Variants in GRIK1 observed in about 807,000 individuals in gnomAD.
GRIK1 encodes the protein glutamate receptor ionotropic, kainate 1.
In GRIK1, 69 loss-of-function variants were observed where a neutral mutation model predicts 105.7. The ratio of observed to expected loss-of-function variants is 0.65; its 90% CI spans 0.54 to 0.80. The LOEUF (loss-of-function observed/expected upper bound fraction) is 0.80. GRIK1 is among the 30% of genes least tolerant of loss of function. The probability of loss-of-function intolerance (pLI) is 0.00; values close to 1 mark genes in which losing one functional copy is unlikely to be tolerated. For missense variants in GRIK1, 1,109 were observed against 1,167.3 expected (o/e 0.95, Z 0.73); for synonymous variants, 438 against 431.3 (o/e 1.02, Z -0.19).
intron 3 of GRIK1, among the ~76,000 whole-genome samples, chr21:29,687,673 A>G (rs563532189): frequency 6.6e-6 from 1 of 152,360 alleles, no homozygotes; most frequent in African/African-American, 2.4e-5. Flanking sequence ...AAGATGATGG[A>G]AATGATAGTT....
intron 1 of GRIK1, among the ~76,000 whole-genome samples, chr21:29,763,123 G>A (rs2065569978): frequency 6.6e-6 from 1 of 152,186 alleles, no homozygotes; most frequent in Non-Finnish European, 1.5e-5. Context: ...TGTGTTGAGG[G>A]AGGGATCTGG....
chr21:29,559,997 C>T, intron 15 of GRIK1, among the ~76,000 whole-genome samples: 1 of 152,272 alleles, frequency 6.6e-6, no homozygotes, highest in South Asian at 2.1e-4. Context: ...CTTATGGTAT[C>T]TGCTTGGCCT....
At chr21:29,718,099 G>A (rs2064223566) in intron 1 of GRIK1, among the ~76,000 whole-genome samples, 1 of 152,126 alleles carries the variant, frequency 6.6e-6, no homozygotes, top group Non-Finnish European at 1.5e-5. Context: ...CACCATAATT[G>A]TAAGTTTCCT....
chr21:29,936,392 CTAACCATTAGTTAT>C (rs2071757168), intron 1 of GRIK1, among the ~76,000 whole-genome samples: 1 of 152,150 alleles, frequency 6.6e-6, no homozygotes, highest in Non-Finnish European at 1.5e-5. Context: ...AGATCCTGTT[CTAACCATTAGTTAT>C]AAGTCAGCCA....
chr21:29,620,812 T>TAGATAGATAGATAGATAG (rs1277538736), intron 7 of GRIK1, among the ~76,000 whole-genome samples: 3 of 117,486 alleles, frequency 2.6e-5, no homozygotes, highest in African/African-American at 1.2e-4. Context: ...TATAGATATA[T>TAGATAGATAGATAGATAG]ATATATAGTA....
chr21:29,873,264 T>A (rs2223022), intron 1 of GRIK1, among the ~76,000 whole-genome samples: 4 of 152,128 alleles, frequency 2.6e-5, no homozygotes, highest in African/African-American at 7.2e-5. Flanking sequence ...TTAAATAGCA[T>A]TCCAAAAGCT....
chr21:29,934,612 T>C (rs780069457), intron 1 of GRIK1, among the ~76,000 whole-genome samples: 43 of 152,216 alleles, frequency 2.8e-4, no homozygotes, highest in Non-Finnish European at 4.0e-4. Context: ...CACACACTTA[T>C]ACTGTGTGTA....
intron 14 of GRIK1, 92 bp from the exon 15 acceptor site, chr21:29,561,941 A>G: frequency 1.4e-6 from 1 of 725,402 alleles, no homozygotes; most frequent in Non-Finnish European, 2.5e-6. Context: ...AAATAATGAT[A>G]GGGAGGATAC....
intron 1 of GRIK1, among the ~76,000 whole-genome samples, chr21:29,930,201 G>A (rs1343931911): frequency 1.3e-5 from 2 of 152,026 alleles, no homozygotes; most frequent in African/African-American, 4.8e-5. Context: ...AATTCAAAAG[G>A]CAAATATTGC....
intron 7 of GRIK1, among the ~76,000 whole-genome samples, chr21:29,613,258 C>T (rs998124103): frequency 8.5e-5 from 13 of 152,304 alleles, no homozygotes; most frequent in African/African-American, 3.1e-4. Context: ...ATGAACCCTG[C>T]CCTATCTCAG....
At chr21:29,756,013 A>G (rs968358977) in intron 1 of GRIK1, among the ~76,000 whole-genome samples, 2 of 152,248 alleles carry the variant, frequency 1.3e-5, no homozygotes, top group African/African-American at 2.4e-5. Context: ...AAAGAATGCA[A>G]AAAACATTTT....
chr21:29,902,355 T>C (rs144739674), intron 1 of GRIK1, among the ~76,000 whole-genome samples: 1 of 152,310 alleles, frequency 6.6e-6, no homozygotes, highest in African/African-American at 2.4e-5. Context: ...GGAAGTCAAA[T>C]TGTCTCTGTT....
intron 2 of GRIK1, among the ~76,000 whole-genome samples, chr21:29,691,081 C>T (rs1332788431): frequency 1.3e-5 from 2 of 152,092 alleles, no homozygotes; most frequent in Non-Finnish European, 2.9e-5. Context: ...GAGGCTGAGA[C>T]AGGCAGATCA....
chr21:29,656,947 C>G (rs963686289), intron 4 of GRIK1, among the ~76,000 whole-genome samples: 18 of 152,002 alleles, frequency 1.2e-4, no homozygotes, highest in African/African-American at 4.3e-4. Context: ...CCTACGGTGA[C>G]AACAAGACCA....
intron 1 of GRIK1, among the ~76,000 whole-genome samples, chr21:29,734,348 TTTC>T (rs1228090627): frequency 1.0e-4 from 1 of 10,050 alleles, no homozygotes; most frequent in Non-Finnish European, 2.3e-4. Flanking sequence ...TCATAGCACT[TTTC>T]TTTTCTTTTC....
At chr21:29,780,784 T>G (rs1292461691) in intron 1 of GRIK1, among the ~76,000 whole-genome samples, 1 of 152,220 alleles carries the variant, frequency 6.6e-6, no homozygotes, top group Non-Finnish European at 1.5e-5. Flanking sequence ...ATTTCAATAT[T>G]TTGTAACTAA....
chr21:29,756,868 C>T (rs1342873773), intron 1 of GRIK1, among the ~76,000 whole-genome samples: 1 of 152,266 alleles, frequency 6.6e-6, no homozygotes, highest in Non-Finnish European at 1.5e-5. Flanking sequence ...AATCCCAGCA[C>T]TTTGGGAGGC....
rs991424916 is a variant in GRIK1, at chr21:29,598,923, G to A, written c.1113C>T (p.Gly371=). The change falls in exon 8 of 18, where the codon GGC becomes GGT. Residue 371 remains glycine (G), a synonymous_variant. Transcript: ENST00000327783. ...MNLIKEARWD[G]LTGHITFNKT... ...TATTAAAGGTGATATGCCCAGTCAAGCCATCCCACCGGGCCTGTGGACAAG... is the reference window on the plus strand; with the variant it reads ...TATTAAAGGTGATATGCCCAGTCAAACCATCCCACCGGGCCTGTGGACAAG... 1 of 1,568,682 alleles carries A rather than the reference G, an allele frequency of 6.4e-7. No homozygotes were observed. Among genetic ancestry groups the A allele is most frequent in the Non-Finnish European group, 8.7e-7 (1 of 1,144,026 alleles).
At chr21:29,728,078 CA>C (rs2064515982) in intron 1 of GRIK1, among the ~76,000 whole-genome samples, 1 of 152,158 alleles carries the variant, frequency 6.6e-6, no homozygotes, top group Non-Finnish European at 1.5e-5. Context: ...TCTACTGATT[CA>C]AATGCTCATC....
Sources: allele counts gnomAD v4.1 joint callset (sites outside exome capture counted in the v4.1 genomes callset), GRCh38; gene constraint gnomAD v4.1.1; transcripts MANE v1.5; gene names NCBI Gene and HGNC (gene_info 2026-07-23, HGNC 2026-07-21).